The following NIM1K variants were observed in gnomAD, a reference collection of about 807,000 sequenced individuals.
The protein encoded by NIM1K is NIM1 serine/threonine protein kinase.
NIM1K carries 35 observed loss-of-function variants against 37.1 expected under a neutral mutation model. The observed-to-expected ratio is 0.94, with a 90% confidence interval of 0.72 to 1.25. NIM1K has a LOEUF of 1.25. NIM1K is among the 50% of genes most tolerant of loss of function. The pLI is 0.00. For synonymous variants in NIM1K, 234 were observed against 206.6 expected, an observed-to-expected ratio of 1.13 and a Z score of -1.14; for missense variants, 564 against 548.0, an observed-to-expected ratio of 1.03 and a Z score of -0.29.
At chr5:43,197,475 C>G (rs1302936935) in intron 1 of NIM1K, among the ~76,000 whole-genome samples, 3 of 152,180 alleles carry the variant, frequency 2.0e-5, no homozygotes, top group Non-Finnish European at 4.4e-5. Flanking sequence ...TAATAAAATA[C>G]ACCTTAGTCA....
chr5:43,232,027 G>T lies in NIM1K; in HGVS notation c.-694-13055G>T, dbSNP rs1038657181. 2.0e-5 allele frequency: 20 copies of T among 1,020,588 alleles called. No individual in the cohort carries two copies. The Middle Eastern group carries it at 7.4e-4, about 38-fold the overall frequency. 63.2% of individuals were successfully genotyped at this position (1,020,588 alleles called of 1,614,324 possible). ...AGCCCAGGCCTCAGCAATGGCTGTGGTATTGCTCAGCATGCACACAGCTCT... is the reference window on the plus strand; with the variant it reads ...AGCCCAGGCCTCAGCAATGGCTGTGTTATTGCTCAGCATGCACACAGCTCT... On this transcript the variant is annotated intron_variant, in intron 1 of 3. Transcript: ENST00000326035.
At chr5:43,237,525 T>C (rs1752638961) in intron 1 of NIM1K, among the ~76,000 whole-genome samples, 1 of 152,190 alleles carries the variant, frequency 6.6e-6, no homozygotes, top group Non-Finnish European at 1.5e-5. Flanking sequence ...ATCTGAAATT[T>C]TGTTTTTAAT....
intron 1 of NIM1K, chr5:43,232,894 A>T (rs1278587818): frequency 8.8e-7 from 1 of 1,141,220 alleles, no homozygotes; most frequent in South Asian, 1.2e-5. Flanking sequence ...CTTGCCTGTG[A>T]TGAGCTGCTC....
At chr5:43,207,561 G>T in intron 1 of NIM1K, 1 of 690,558 alleles carries the variant, frequency 1.4e-6, no homozygotes, top group Non-Finnish European at 2.8e-6. Context: ...GATTCCACAT[G>T]GGAGTTTCTC....
intron 2 of NIM1K, among the ~76,000 whole-genome samples, chr5:43,272,904 T>C (rs149520398): frequency 2.7e-4 from 41 of 152,154 alleles, no homozygotes; most frequent in African/African-American, 7.2e-5. Context: ...CTCTTAAGGA[T>C]TCACCATCCC....
chr5:43,192,281 C>CTT lies in NIM1K; in HGVS notation c.-825_-824insTT, dbSNP rs1751844402. The CTT allele has an allele frequency of 6.6e-6, 1 of 152,554 alleles. No homozygotes were observed. The highest frequency in any genetic ancestry group is 2.1e-4 in the South Asian group (1 of 4,842). The allele number at this position is 152,554 out of a possible 1,614,324, so 9.5% of individuals were successfully genotyped here. A position where few individuals can be genotyped will look rare whatever the true frequency, so the allele number is the denominator to read the frequency against. On this transcript the variant is annotated 5_prime_UTR_variant, in exon 1 of 4. Transcript: ENST00000326035. ...CGGCCGCCCCTGACAGCTCCGGGAG[C>CTT]CTCAAGCGCGACAGCGGCGCCCTCA... is the stretch of plus-strand genomic sequence containing the variant.
At chr5:43,279,533 G>A (rs769152330) in intron 3 of NIM1K, among the ~76,000 whole-genome samples, 6 of 152,150 alleles carry the variant, frequency 3.9e-5, no homozygotes, top group South Asian at 4.1e-4. Flanking sequence ...ACCTCCCTTC[G>A]GCTGAATTCT....
intron 1 of NIM1K, among the ~76,000 whole-genome samples, chr5:43,205,323 GTTAAA>G (rs1334420289): frequency 6.6e-6 from 1 of 152,180 alleles, no homozygotes; most frequent in Middle Eastern, 3.2e-3. Context: ...TGTTGTAATG[GTTAAA>G]TTAGTCACAT....
chr5:43,274,835 G>A (rs139774330), intron 2 of NIM1K, among the ~76,000 whole-genome samples: 185 of 152,230 alleles, frequency 1.2e-3, no homozygotes, highest in Non-Finnish European at 2.3e-3. Flanking sequence ...ATCCATTTTC[G>A]TTTTAATAGT....
chr5:43,203,949 C>T (rs1298518931), intron 1 of NIM1K, among the ~76,000 whole-genome samples: 1 of 151,482 alleles, frequency 6.6e-6, no homozygotes, highest in Non-Finnish European at 1.5e-5. Context: ...TCACTTGAAC[C>T]CAGGAGGCAG....
intron 1 of NIM1K, among the ~76,000 whole-genome samples, chr5:43,236,763 C>G (rs1752627489): frequency 6.6e-6 from 1 of 152,210 alleles, no homozygotes; most frequent in Admixed American, 6.5e-5. Flanking sequence ...TGGACTGTCC[C>G]TGGATGCTGG....
intron 1 of NIM1K, chr5:43,207,601 A>T: frequency 1.5e-6 from 1 of 662,642 alleles, no homozygotes; most frequent in South Asian, 1.4e-5. Flanking sequence ...CAATGAAAGT[A>T]TTGAAACAGG....
chr5:43,214,771 G>T (rs1417895016), intron 1 of NIM1K, among the ~76,000 whole-genome samples: 1 of 139,224 alleles, frequency 7.2e-6, no homozygotes, highest in Non-Finnish European at 1.5e-5. Flanking sequence ...AGCCGAGATC[G>T]CGCCACTGCA....
At chr5:43,216,715 A>T (rs1264462553) in intron 1 of NIM1K, among the ~76,000 whole-genome samples, 1 of 152,204 alleles carries the variant, frequency 6.6e-6, no homozygotes, top group Non-Finnish European at 1.5e-5. Flanking sequence ...GTTTGAGCAA[A>T]GACCAGTAGG....
chr5:43,264,746 C>A (rs1753095054), intron 2 of NIM1K, among the ~76,000 whole-genome samples: 1 of 152,176 alleles, frequency 6.6e-6, no homozygotes, highest in African/African-American at 2.4e-5. Context: ...CATGTTTTTG[C>A]AGTGGCTGGT....
At chr5:43,203,161 A>C (rs887252545) in intron 1 of NIM1K, among the ~76,000 whole-genome samples, 1 of 151,894 alleles carries the variant, frequency 6.6e-6, no homozygotes, top group Non-Finnish European at 1.5e-5. Context: ...CCTCCCTCCT[A>C]GGCTCCACTC....
intron 2 of NIM1K, among the ~76,000 whole-genome samples, chr5:43,253,136 A>G (rs745776750): frequency 4.8e-5 from 7 of 146,282 alleles, no homozygotes; most frequent in Non-Finnish European, 1.0e-4. Flanking sequence ...AGACACCATG[A>G]CTGGCCTTCA....
rs770368032 is a variant in NIM1K at position 43,277,041 on chromosome 5, C to CT, written c.293-9dup. 6.2e-7 allele frequency: 1 copy of CT among 1,611,870 alleles called. No individual in the cohort carries two copies. Among genetic ancestry groups the CT allele is most frequent in the Non-Finnish European group, 8.5e-7 (1 of 1,179,176 alleles). ...CCTGTGAATTCTGGCACAATTTTTA[C>CT]TTTTTTTCCTTGCAGAAAAGGTGGC... On this transcript the variant is annotated splice_polypyrimidine_tract_variant and intron_variant, in intron 2 of 3. Coordinates refer to ENST00000326035, the MANE Select transcript of NIM1K (RefSeq NM_153361.4).
chr5:43,252,679 A>G (rs1196451524), intron 2 of NIM1K, among the ~76,000 whole-genome samples: 1 of 151,936 alleles, frequency 6.6e-6, no homozygotes, highest in Non-Finnish European at 1.5e-5. Flanking sequence ...TTTATAGCTC[A>G]CAGTTTGGAA....
Sources: gnomAD v4.1 joint callset for allele counts (sites outside exome capture counted in the v4.1 genomes callset) on GRCh38, gnomAD v4.1.1 for gene constraint, MANE v1.5 for transcripts, NCBI Gene and HGNC (gene_info 2026-07-23, HGNC 2026-07-21) for gene names.